The following PSPC1 variants were observed in gnomAD, a reference collection of about 807,000 sequenced individuals.
PSPC1 encodes the protein paraspeckle component 1.
A neutral mutation model predicts 51.6 loss-of-function variants in PSPC1; 14 were observed. The ratio of observed to expected loss-of-function variants is 0.27; its 90% CI spans 0.18 to 0.42. The LOEUF (loss-of-function observed/expected upper bound fraction) is 0.42. Ranked by LOEUF, PSPC1 falls within the 10% of genes least tolerant of loss-of-function variation. The pLI, the probability that PSPC1 is intolerant of heterozygous loss-of-function variation, is 1.00. For missense variants in PSPC1, 406 were observed against 701.1 expected (o/e 0.58, Z 4.75); for synonymous variants, 193 against 231.9 (o/e 0.83, Z 1.53).
Position 19,782,015 on chromosome 13 carries a change from C to T in PSPC1, c.372+371G>A, listed in dbSNP as rs1890023565. 6.6e-6 allele frequency among the ~76,000 whole-genome samples: 1 copy of T among 152,212 alleles called. No homozygotes were observed. Among genetic ancestry groups the T allele is most frequent in the Admixed American group, 6.6e-5 (1 of 15,266 alleles). The stretch of plus-strand genomic sequence containing the variant: ...AGAATTCTCACCCCAAAACGCTGCC[C>T]GCCCCTGTCCCCGGACCCTTTCGGT... On this transcript the variant is annotated intron_variant, in intron 1 of 8. Coordinates refer to ENST00000338910, the MANE Select transcript of PSPC1 (RefSeq NM_001354909.2). This position sits in a 1 kb window ranked among gnomAD's most constrained non-coding sequence, Gnocchi z 4.5.
chr13:19,684,132 C>T (rs148135483), intron 6 of PSPC1, among the ~76,000 whole-genome samples: 165 of 152,262 alleles, frequency 1.1e-3, no homozygotes, highest in Middle Eastern at 6.8e-3. Context: ...AAATTTTCAA[C>T]CTTAATTTTG....
chr13:19,759,009 G>A (rs1887359748), intron 3 of PSPC1, among the ~76,000 whole-genome samples: 1 of 151,878 alleles, frequency 6.6e-6, no homozygotes, highest in African/African-American at 2.4e-5. Flanking sequence ...TATTAGCTGG[G>A]CATGGTGGTG....
At chr13:19,721,584 A>G (rs1270073032) in intron 6 of PSPC1, among the ~76,000 whole-genome samples, 1 of 152,186 alleles carries the variant, frequency 6.6e-6, no homozygotes, top group Non-Finnish European at 1.5e-5. Flanking sequence ...CTCAGTAGAG[A>G]ATTTCATTTT....
At chr13:19,725,568 G>T (rs74354991) in intron 6 of PSPC1, among the ~76,000 whole-genome samples, 1,543 of 152,088 alleles carry the variant, frequency 0.01, 28 homozygotes, top group African/African-American at 0.035. Flanking sequence ...ACATAGTTGT[G>T]TCACAACTAC....
chr13:19,777,945 C>CA (rs1007157116), intron 1 of PSPC1, among the ~76,000 whole-genome samples: 1 of 150,752 alleles, frequency 6.6e-6, no homozygotes, highest in Non-Finnish European at 1.5e-5. Flanking sequence ...GACTCCCTCT[C>CA]AAAAAAACAG....
intron 1 of PSPC1, among the ~76,000 whole-genome samples, chr13:19,773,234 TTA>T (rs951085721): frequency 6.7e-6 from 1 of 149,342 alleles, no homozygotes. Flanking sequence ...TCCATACCCT[TTA>T]TGTTTTTATC....
intron 6 of PSPC1, among the ~76,000 whole-genome samples, chr13:19,681,584 T>C (rs17085688): frequency 0.087 from 13,236 of 152,260 alleles, 620 homozygotes; most frequent in Middle Eastern, 0.13. Flanking sequence ...GGATTTCCTG[T>C]GAGGCAGACA....
Position 19,782,848 on chromosome 13 carries a change from C to G in PSPC1, c.-91G>C. 7.5e-7 allele frequency: 1 copy of G among 1,336,132 alleles called. No homozygotes were observed. 82.8% of individuals were successfully genotyped at this position (1,336,132 alleles called of 1,614,324 possible). Reference sequence around the variant, plus strand: ...GTATACGTCTCTACATAAACCTATGCCAACAAAATATCGACAATCAAGAGA... The same window carrying G: ...GTATACGTCTCTACATAAACCTATGGCAACAAAATATCGACAATCAAGAGA... On this transcript the variant is annotated 5_prime_UTR_variant, in exon 1 of 9. Transcript: ENST00000338910. The surrounding 1 kb of genome is among the most constrained non-coding windows in gnomAD (Gnocchi z 4.5).
At chr13:19,677,139 A>C (rs1157640475) in intron 7 of PSPC1, among the ~76,000 whole-genome samples, 1 of 151,640 alleles carries the variant, frequency 6.6e-6, no homozygotes, top group East Asian at 1.9e-4. Flanking sequence ...AGGCTGAGGC[A>C]GGAGAATGGC....
chr13:19,735,000 AC>A (rs66964439), intron 5 of PSPC1, among the ~76,000 whole-genome samples: 3 of 149,916 alleles, frequency 2.0e-5, no homozygotes, highest in African/African-American at 4.9e-5. Context: ...AAACAAACAA[AC>A]AAAAAAAACA....
At chr13:19,690,375 T>G (rs1285221570) in intron 6 of PSPC1, among the ~76,000 whole-genome samples, 1 of 152,250 alleles carries the variant, frequency 6.6e-6, no homozygotes, top group Non-Finnish European at 1.5e-5. Context: ...AAGACCCTTC[T>G]GAGCATTTCC....
intron 6 of PSPC1, among the ~76,000 whole-genome samples, chr13:19,728,626 G>C (rs933889063): frequency 6.6e-6 from 1 of 152,210 alleles, no homozygotes; most frequent in Middle Eastern, 3.4e-3. Context: ...ATTTGAGATA[G>C]GTAGAGCTTT....
At chr13:19,705,207 T>A (rs1159789677) in intron 8 of PSPC1, among the ~76,000 whole-genome samples, 1 of 152,222 alleles carries the variant, frequency 6.6e-6, no homozygotes, top group East Asian at 1.9e-4. Context: ...ACTTAAAAAC[T>A]ATCTCAGCTG....
chr13:19,746,598 G>C (rs1886012815), intron 4 of PSPC1, among the ~76,000 whole-genome samples: 1 of 152,040 alleles, frequency 6.6e-6, no homozygotes, highest in African/African-American at 2.4e-5. Context: ...GGTGGCTCAT[G>C]CCTGAGGGAG....
chr13:19,681,033 C>A (rs1460904110), intron 6 of PSPC1, among the ~76,000 whole-genome samples: 1 of 152,058 alleles, frequency 6.6e-6, no homozygotes, highest in Non-Finnish European at 1.5e-5. Context: ...GCGTGGGCAA[C>A]ATAGCAAGAT....
Position 19,759,419 on chromosome 13 carries a change from C to T in PSPC1, c.675-1G>A. 6.2e-7 allele frequency: 1 copy of T among 1,611,666 alleles called. No homozygotes were observed. Among genetic ancestry groups the T allele is most frequent in the Non-Finnish European group, 8.5e-7 (1 of 1,177,988 alleles). On this transcript the variant is annotated splice_acceptor_variant, in intron 2 of 8. Transcript: ENST00000338910. LOFTEE classifies it high-confidence loss of function. ...TTCCACAATGACTGGACGAGGGGTCCTGGATAGGTATAAAAGCATTCATAA... is the reference window on the plus strand; with the variant it reads ...TTCCACAATGACTGGACGAGGGGTCTTGGATAGGTATAAAAGCATTCATAA...
chr13:19,689,811 AAAAC>A (rs1347872167), intron 6 of PSPC1, among the ~76,000 whole-genome samples: 5 of 152,256 alleles, frequency 3.3e-5, no homozygotes, highest in African/African-American at 1.2e-4. Context: ...CTATTCTTAG[AAAAC>A]ATTTGAAATC....
intron 5 of PSPC1, among the ~76,000 whole-genome samples, chr13:19,739,343 G>A (rs972952354): frequency 3.3e-5 from 5 of 152,272 alleles, no homozygotes; most frequent in African/African-American, 9.6e-5. Flanking sequence ...ATGAGGGGTA[G>A]GTATAATTTC....
intron 6 of PSPC1, among the ~76,000 whole-genome samples, chr13:19,728,476 ACAC>A (rs1409272504): frequency 2.7e-5 from 4 of 147,328 alleles, no homozygotes; most frequent in African/African-American, 1.0e-4. Context: ...ACACACACAC[ACAC>A]ACACACAGCA....
Sources: allele counts gnomAD v4.1 joint callset (sites outside exome capture counted in the v4.1 genomes callset), GRCh38; gene constraint gnomAD v4.1.1; non-coding constraint Gnocchi (gnomAD v3.1); transcripts MANE v1.5; gene names NCBI Gene and HGNC (gene_info 2026-07-23, HGNC 2026-07-21).